The following COPB1 variants were observed in gnomAD, a reference collection of about 807,000 sequenced individuals.
The protein encoded by COPB1 is coatomer subunit beta.
COPB1 carries 21 observed loss-of-function variants against 108.7 expected under a neutral mutation model. The observed-to-expected ratio is 0.19, with a 90% CI of 0.14 to 0.28. The LOEUF (loss-of-function observed/expected upper bound fraction) is 0.28, where lower values mean the gene tolerates loss of function less well. COPB1 is among the 10% of genes least tolerant of loss of function. COPB1 has a pLI of 1.00. For missense variants in COPB1, 919 were observed against 1,141.3 expected, an observed-to-expected ratio of 0.81 and a Z score of 2.81; for synonymous variants, 378 against 386.8, an observed-to-expected ratio of 0.98 and a Z score of 0.27.
chr11:14,495,921 A>C (rs1013359107), intron 2 of COPB1, among the ~76,000 whole-genome samples: 1 of 152,204 alleles, frequency 6.6e-6, no homozygotes, highest in African/African-American at 2.4e-5. Context: ...GAACATGAAA[A>C]AAGGGAAATA....
At chr11:14,463,241 T>TAAAA (rs1850198031) in intron 18 of COPB1, among the ~76,000 whole-genome samples, 2 of 152,242 alleles carry the variant, frequency 1.3e-5, no homozygotes, top group South Asian at 4.1e-4. Flanking sequence ...CCCCTCTTTT[T>TAAAA]AGTCTGTATG....
At chr11:14,496,973 C>T (rs986508977) in intron 2 of COPB1, among the ~76,000 whole-genome samples, 6 of 152,142 alleles carry the variant, frequency 3.9e-5, no homozygotes, top group African/African-American at 1.4e-4. Flanking sequence ...ATAAATGGTG[C>T]TTGGAAAACT....
Position 14,480,784 on chromosome 11 carries a change from T to G in COPB1, c.1187A>C (p.Asp396Ala), listed in dbSNP as rs1394627609. Residue 396 changes from aspartate to alanine, a missense_variant, in exon 10 of 22, where the codon GAT becomes GCT. By Grantham distance (126) the Asp-to-Ala change is moderately radical (BLOSUM62 -2). Around this residue, in one of 5 missense-constraint regions of COPB1, gnomAD observed 705 missense variants for 817.8 expected, o/e 0.86. Coordinates refer to ENST00000439561, the MANE Select transcript of COPB1 (RefSeq NM_001144061.2). ...TLHSCSVRFPDMAANVIPVLM... is the reference protein window; with the variant it reads ...TLHSCSVRFPAMAANVIPVLM... ...CACAGGAATAACATTTGCAGCCATA[T>G]CTGGAAATCGGACAGAACAGGAATG... 6.2e-7 allele frequency: 1 copy of G among 1,613,908 alleles called. No homozygotes were observed.
intron 18 of COPB1, among the ~76,000 whole-genome samples, chr11:14,464,207 A>G (rs1000727474): frequency 1.3e-5 from 2 of 152,170 alleles, no homozygotes; most frequent in African/African-American, 4.8e-5. Flanking sequence ...GTAGTCTTCT[A>G]CTGAGCACTT....
In COPB1 at chr11:14,474,563, G is replaced by A; in HGVS notation, c.1669C>T (p.Leu557Phe). 2 of 1,614,026 alleles carry A rather than the reference G, an allele frequency of 1.2e-6. No individual in the cohort carries two copies. Among genetic ancestry groups the A allele is most frequent in the Non-Finnish European group, 1.7e-6 (2 of 1,179,956 alleles). The change falls in exon 14 of 22, where the codon CTT (leucine) becomes TTT (phenylalanine). Residue 557 changes from leucine (L) to phenylalanine (F), a missense_variant. Transcript: ENST00000439561. ...GCAATCTTGGTCAGAGTTGTGGCAA[G>A]GGAGGCAGCAACAAAGAAATCTCCA... is the stretch of plus-strand genomic sequence containing the variant. ...LDGDFFVAAS[L>F]ATTLTKIALR...
Position 14,494,228 on chromosome 11 carries a change from T to C in COPB1, c.303A>G (p.Val101=). Residue 101 remains valine, a synonymous_variant, in exon 3 of 22, where the codon GTA becomes GTG. Transcript: ENST00000439561. ...DGRLLHEMIL[V]CDAYRKDLQH... ...GGTTTACCTTTCTGTATGCATCACA[T>C]ACAAGGATCATCTCATGTAAAAGTC... The C allele has an allele frequency of 6.2e-7, 1 of 1,611,766 alleles. No individual in the cohort carries two copies. The highest frequency in any genetic ancestry group is 8.5e-7 in the Non-Finnish European group (1 of 1,178,232).
rs1386557381 is a variant in COPB1, at chr11:14,460,249, T to A, written c.2605A>T (p.Ile869Leu). 6.2e-7 allele frequency: 1 copy of A among 1,612,398 alleles called. No homozygotes were observed. Among genetic ancestry groups the A allele is most frequent in the Non-Finnish European group, 8.5e-7 (1 of 1,179,158 alleles). ...CATTTCATATTGGTTGACTTTAATA[T>A]GTGCTGTAAGTAGTCATTTAAATCA... ...MVDLNDYLQH[I>L]LKSTNMKCLT... The change falls in exon 20 of 22, where the codon ATA becomes TTA. Residue 869 changes from isoleucine to leucine, a missense_variant. Transcript: ENST00000439561.
intron 4 of COPB1, among the ~76,000 whole-genome samples, chr11:14,491,879 C>T (rs1850913585): frequency 6.6e-6 from 1 of 152,142 alleles, no homozygotes; most frequent in African/African-American, 2.4e-5. Context: ...AAAACATAGT[C>T]CCTTGAATTT....
chr11:14,492,650 A>G lies in COPB1; in HGVS notation c.491+992T>C, dbSNP rs1273383986. ...GAGCCACCACGCCTGGCTCATCTACATTATTAACCAGAATACCACTTTCCT... is the reference window on the plus strand; with the variant it reads ...GAGCCACCACGCCTGGCTCATCTACGTTATTAACCAGAATACCACTTTCCT... On this transcript the variant is annotated intron_variant, in intron 4 of 21. Coordinates refer to ENST00000439561, the MANE Select transcript of COPB1 (RefSeq NM_001144061.2). Among the ~76,000 whole-genome samples the G allele has an allele frequency of 2.0e-5, 3 of 152,016 alleles. No homozygotes were observed. The East Asian group carries it at 5.8e-4, about 29-fold the overall frequency.
intron 13 of COPB1, 44 bp from the exon 14 acceptor site, chr11:14,474,659 C>G: frequency 6.2e-7 from 1 of 1,607,088 alleles, no homozygotes; most frequent in East Asian, 2.2e-5. Context: ...ACTTGCTAAG[C>G]AGCATGCAGC....
At chr11:14,474,421 T>G (rs748659224) in intron 14 of COPB1, 74 bp downstream of exon 14, 2 of 1,353,202 alleles carry the variant, frequency 1.5e-6, no homozygotes, top group Non-Finnish European at 2.0e-6. Context: ...AATTTTTGAG[T>G]CCCTCACTGT....
intron 7 of COPB1, 41 bp from the exon 8 acceptor site, chr11:14,483,192 T>C (rs766607386): frequency 6.9e-6 from 10 of 1,457,578 alleles, no homozygotes; most frequent in Non-Finnish European, 9.3e-6. Flanking sequence ...GTTATTCATC[T>C]ATCATAAAAT....
Position 14,468,755 on chromosome 11 carries a change from G to A in COPB1, c.2071C>T (p.Leu691=), listed in dbSNP as rs1850338233. ...EMNCKEDQFQ[L]SLLAAMGNTQ... is the part of the protein sequence containing the mutation. ...TTACCCATTGCTGCCAGTAAACTCA[G>A]CTGAAACTGATCTTCCTTGCAGTTC... The change falls in exon 16 of 22, where the codon CTG becomes TTG. Residue 691 remains leucine (L), a synonymous_variant. Transcript: ENST00000439561. The A allele has an allele frequency of 6.2e-7, 1 of 1,614,050 alleles. No homozygotes were observed. Among genetic ancestry groups the A allele is most frequent in the African/African-American group, 1.3e-5 (1 of 74,930 alleles).
intron 5 of COPB1, among the ~76,000 whole-genome samples, chr11:14,489,494 A>G (rs982718279): frequency 4.6e-5 from 7 of 152,236 alleles, no homozygotes; most frequent in African/African-American, 1.7e-4. Flanking sequence ...CAATGGATGA[A>G]CAGGTAAACA....
intron 16 of COPB1, among the ~76,000 whole-genome samples, chr11:14,467,901 G>A (rs780732655): frequency 5.9e-5 from 9 of 152,132 alleles, no homozygotes; most frequent in Non-Finnish European, 1.2e-4. Context: ...AGGGGAAGTA[G>A]GAATGACGAG....
chr11:14,472,104 T>A (rs1184625804), intron 14 of COPB1, among the ~76,000 whole-genome samples: 1 of 152,168 alleles, frequency 6.6e-6, no homozygotes, highest in Non-Finnish European at 1.5e-5. Context: ...GAAATTGCTG[T>A]GGTAGGACAT....
chr11:14,461,471 T>G (rs1295821473), intron 18 of COPB1, 140 bp from the exon 19 acceptor site: 9 of 774,280 alleles, frequency 1.2e-5, no homozygotes, highest in Non-Finnish European at 1.6e-5. Flanking sequence ...AGAGCTCTAT[T>G]CTACATGCTT....
At chr11:14,499,032 ACCC>A in intron 1 of COPB1, 47 bp from the exon 2 acceptor site, 20 of 931,832 alleles carry the variant, frequency 2.1e-5, no homozygotes, top group Middle Eastern at 3.3e-4. Flanking sequence ...AAAAAAAAAA[ACCC>A]ACAAACAAGT....
In COPB1 at chr11:14,479,733, A is replaced by C. The variant is rs755171816; in HGVS notation, c.1213-19T>G. The C allele has an allele frequency of 1.0e-5, 16 of 1,553,298 alleles. No individual in the cohort carries two copies. The Admixed American group carries it at 1.5e-4, about 15-fold the overall frequency. The stretch of plus-strand genomic sequence containing the variant: ...CCATTAACTAAAAGAAAAAAAAAAA[A>C]AAGAAAATGGAACTAACAATTTTCG... On this transcript the variant is annotated intron_variant, in intron 10 of 21. Coordinates refer to ENST00000439561, the MANE Select transcript of COPB1 (RefSeq NM_001144061.2).
Sources: gnomAD v4.1 joint callset for allele counts (sites outside exome capture counted in the v4.1 genomes callset) on GRCh38, gnomAD v4.1.1 for gene constraint, gnomAD v4.1.1 regional missense constraint, MANE v1.5 for transcripts, NCBI Gene and HGNC (gene_info 2026-07-23, HGNC 2026-07-21) for gene names.